Variants in SOX6 observed in about 807,000 individuals in gnomAD.
SOX6 encodes transcription factor SOX-6.
SOX6 carries 11 observed loss-of-function variants against 97.8 expected under a neutral mutation model. The ratio of observed to expected loss-of-function variants is 0.11; its 90% CI spans 0.07 to 0.19. The LOEUF is 0.19. Among genes scored for constraint, SOX6 ranks in the 10% least tolerant of loss-of-function variants. The pLI, the probability that SOX6 is intolerant of heterozygous loss-of-function variation, is 1.00. For missense variants in SOX6, 810 were observed against 1,039.5 expected (o/e 0.78, Z 3.04); for synonymous variants, 360 against 371.4 (o/e 0.97, Z 0.35).
At chr11:16,491,773 A>G (rs1292371265) in intron 4 of SOX6, among the ~76,000 whole-genome samples, 1 of 152,192 alleles carries the variant, frequency 6.6e-6, no homozygotes, top group Non-Finnish European at 1.5e-5. Flanking sequence ...TATGTTTTAG[A>G]CATCTATATG....
chr11:16,119,629 T>C (rs574162863), intron 6 of SOX6, among the ~76,000 whole-genome samples: 1 of 152,332 alleles, frequency 6.6e-6, no homozygotes, highest in Non-Finnish European at 1.5e-5. Flanking sequence ...AAGTATTTTG[T>C]ATTAACTGAT....
intron 1 of SOX6, among the ~76,000 whole-genome samples, chr11:16,448,690 T>C (rs1565149400): frequency 6.6e-6 from 1 of 152,140 alleles, no homozygotes; most frequent in Non-Finnish European, 1.5e-5. Flanking sequence ...CAACCTCAGC[T>C]ACTTCCTATA....
intron 4 of SOX6, among the ~76,000 whole-genome samples, chr11:16,597,232 TG>T (rs1292059760): frequency 6.6e-6 from 1 of 152,066 alleles, no homozygotes; most frequent in Admixed American, 6.5e-5. Flanking sequence ...CCATGGTTCT[TG>T]TACTGATCAT....
In SOX6 at chr11:16,165,275, C is replaced by T. The variant is rs1286957277; in HGVS notation, c.777+18611G>A. Among the ~76,000 whole-genome samples, 6 of 152,148 alleles carry T rather than the reference C, an allele frequency of 3.9e-5. No homozygotes were observed. In the East Asian group the frequency reaches 1.2e-3, roughly 29 times the overall value. On this transcript the variant is annotated intron_variant, in intron 6 of 15. Transcript: ENST00000683767. The stretch of plus-strand genomic sequence containing the variant: ...TTTTACTAAATTAAAAATCATTTTA[C>T]TTAGTATGATTATTGCTCAAATGTC...
At chr11:16,359,005 C>T (rs2134372351), upstream of SOX6, among the ~76,000 whole-genome samples, 1 of 152,154 alleles carries the variant, frequency 6.6e-6, no homozygotes. Flanking sequence ...ACAGCAACTT[C>T]CCATAGTCCA....
chr11:16,447,571 T>C (rs1290792282), intron 1 of SOX6, among the ~76,000 whole-genome samples: 2 of 152,166 alleles, frequency 1.3e-5, no homozygotes, highest in African/African-American at 4.8e-5. Flanking sequence ...AATCACTTGA[T>C]ACATACTGTT....
intron 1 of SOX6, among the ~76,000 whole-genome samples, chr11:16,375,364 G>A (rs901689350): frequency 1.3e-5 from 2 of 152,060 alleles, no homozygotes; most frequent in African/African-American, 4.8e-5. Context: ...GTGAGGCCTA[G>A]AGAGTTTAAA....
At chr11:16,246,346 C>T (rs900165223) in intron 3 of SOX6, among the ~76,000 whole-genome samples, 1 of 151,300 alleles carries the variant, frequency 6.6e-6, no homozygotes. Flanking sequence ...TTTACAGTAA[C>T]CTTCATTACT....
At chr11:16,115,668 G>C (rs898489707) in intron 6 of SOX6, among the ~76,000 whole-genome samples, 1 of 152,184 alleles carries the variant, frequency 6.6e-6, no homozygotes. Flanking sequence ...ACAGTGTCAT[G>C]ACAGTGCTGG....
intron 13 of SOX6, among the ~76,000 whole-genome samples, chr11:15,991,334 A>T (rs1021932272): frequency 1.3e-5 from 2 of 152,214 alleles, no homozygotes; most frequent in Non-Finnish European, 2.9e-5. Context: ...TGTAGCTTCC[A>T]GCTGACAATA....
At chr11:16,680,724 C>T (rs1847920772) in intron 3 of SOX6, among the ~76,000 whole-genome samples, 1 of 152,148 alleles carries the variant, frequency 6.6e-6, no homozygotes, top group Non-Finnish European at 1.5e-5. Flanking sequence ...ATCTCATGTG[C>T]AGAGACACAC....
intron 4 of SOX6, among the ~76,000 whole-genome samples, chr11:16,541,399 G>A (rs961571687): frequency 2.6e-4 from 40 of 152,128 alleles, no homozygotes; most frequent in African/African-American, 9.4e-4. Context: ...TACCATTCAA[G>A]ACATAGGCAT....
chr11:16,086,633 A>G (rs1423459791), intron 9 of SOX6, among the ~76,000 whole-genome samples: 1 of 152,182 alleles, frequency 6.6e-6, no homozygotes, highest in Admixed American at 6.5e-5. Flanking sequence ...CAGCTACTCC[A>G]GGAGACTCAT....
rs905591087 is a variant in SOX6, at chr11:16,366,748, A to G, written c.-4-25496T>C. 8.1e-5 allele frequency among the ~76,000 whole-genome samples: 12 copies of G among 148,318 alleles called. No individual in the cohort carries two copies. In the East Asian group the frequency reaches 2.4e-3, roughly 29 times the overall value. Reference sequence around the variant, plus strand: ...ATTTCTTACATACATCAGTACCACAATTTGCAAATTTTCTATCTGGTCCCT... The same window carrying G: ...ATTTCTTACATACATCAGTACCACAGTTTGCAAATTTTCTATCTGGTCCCT... On this transcript the variant is annotated intron_variant, in intron 1 of 15. Transcript: ENST00000396356.
chr11:16,729,177 T>C (rs1334199067), intron 2 of SOX6, among the ~76,000 whole-genome samples: 1 of 152,196 alleles, frequency 6.6e-6, no homozygotes, highest in African/African-American at 2.4e-5. Context: ...CCAGGAGAAC[T>C]TCCCCAACCT....
rs1170647663 is a variant in SOX6 at position 16,515,274 on chromosome 11, G to C, written n.610-38886C>G. Reference sequence around the variant, plus strand: ...TGAGATGGTATCTCATTGTGGTTTTGATTTGCATTTCTCTGATGGCCAGTG... The same window carrying C: ...TGAGATGGTATCTCATTGTGGTTTTCATTTGCATTTCTCTGATGGCCAGTG... On this transcript the variant is annotated intron_variant and non_coding_transcript_variant, in intron 4 of 5. Coordinates refer to the SOX6 transcript ENST00000524520. Among the ~76,000 whole-genome samples, 3 of 151,998 alleles carry C rather than the reference G, an allele frequency of 2.0e-5. No homozygotes were observed. The East Asian group carries it at 5.8e-4, about 29-fold the overall frequency.
intron 12 of SOX6, among the ~76,000 whole-genome samples, chr11:16,038,440 A>G (rs1420237911): frequency 6.6e-6 from 1 of 152,126 alleles, no homozygotes; most frequent in Admixed American, 6.6e-5. Context: ...AGAAAAAAAG[A>G]AGGGAAGGTG....
intron 3 of SOX6, among the ~76,000 whole-genome samples, chr11:16,241,383 C>T (rs1450625336): frequency 6.6e-6 from 1 of 152,018 alleles, no homozygotes; most frequent in Non-Finnish European, 1.5e-5. Context: ...GAAACTATGG[C>T]TGTCCATGTT....
In SOX6 at chr11:16,234,576, T is replaced by G. The variant is rs1188434539; in HGVS notation, c.535+6A>C. 1 of 1,511,458 alleles carries G rather than the reference T, an allele frequency of 6.6e-7. No individual in the cohort carries two copies. 93.6% of individuals were successfully genotyped at this position (1,511,458 alleles called of 1,614,324 possible). On this transcript the variant is annotated splice_donor_region_variant and intron_variant, in intron 4 of 15. Transcript: ENST00000683767. ...ATTGACATGTTCGATATATTTTATG[T>G]TGTACCTTTAATTTCTCCAAGAAGT...
Sources: gnomAD v4.1 joint callset for allele counts (sites outside exome capture counted in the v4.1 genomes callset) on GRCh38, gnomAD v4.1.1 for gene constraint, MANE v1.5 for transcripts, NCBI Gene and HGNC (gene_info 2026-07-23, HGNC 2026-07-21) for gene names.